The following KCNMA1 variants were observed in gnomAD, a reference collection of about 807,000 sequenced individuals.
KCNMA1 encodes the protein potassium calcium-activated channel subfamily M alpha 1.
Under a neutral mutation model 140.0 loss-of-function variants are expected in KCNMA1, and 29 were observed. The ratio of observed to expected loss-of-function variants is 0.21; its 90% CI spans 0.15 to 0.28. The LOEUF (loss-of-function observed/expected upper bound fraction) is 0.28. Among genes scored for constraint, KCNMA1 ranks in the 10% least tolerant of loss-of-function variants. KCNMA1 has a pLI of 1.00. For synonymous variants in KCNMA1, 612 were observed against 611.9 expected, an observed-to-expected ratio of 1.00 and a Z score of 0.00; for missense variants, 880 against 1,602.2, an observed-to-expected ratio of 0.55 and a Z score of 7.70.
At chr10:77,435,019 T>C (rs1460400728) in intron 1 of KCNMA1, among the ~76,000 whole-genome samples, 3 of 152,110 alleles carry the variant, frequency 2.0e-5, no homozygotes, top group African/African-American at 4.8e-5. Flanking sequence ...AGTGGTGTGA[T>C]CATAACTCAC....
intron 5 of KCNMA1, among the ~76,000 whole-genome samples, chr10:77,163,318 C>T (rs2098592246): frequency 6.6e-6 from 1 of 152,204 alleles, no homozygotes; most frequent in Non-Finnish European, 1.5e-5. Context: ...TACCTATTGC[C>T]TATGGCTGCT....
chr10:77,625,385 A>T (rs1357678952), intron 1 of KCNMA1, among the ~76,000 whole-genome samples: 1 of 152,190 alleles, frequency 6.6e-6, no homozygotes, highest in Non-Finnish European at 1.5e-5. Flanking sequence ...TGCCAAAAAA[A>T]AAAGTACCAT....
chr10:76,902,821 A>G (rs1397606864), intron 25 of KCNMA1: 1 of 152,218 alleles, frequency 6.6e-6, no homozygotes, highest in Non-Finnish European at 1.5e-5. Context: ...CAAAACAAAA[A>G]TTTATAGATT....
intron 8 of KCNMA1, 89 bp downstream of exon 8, chr10:77,110,084 C>T: frequency 1.7e-6 from 2 of 1,143,570 alleles, no homozygotes; most frequent in African/African-American, 1.5e-5. Flanking sequence ...GTGCAGAATA[C>T]AGTCTAAAAT....
chr10:77,274,235 C>A (rs1317147656), intron 2 of KCNMA1, among the ~76,000 whole-genome samples: 3 of 152,118 alleles, frequency 2.0e-5, no homozygotes, highest in Non-Finnish European at 4.4e-5. Flanking sequence ...TATTTATAGG[C>A]TTAACCCACA....
At chr10:77,331,205 C>G (rs889429202) in intron 2 of KCNMA1, among the ~76,000 whole-genome samples, 1 of 152,170 alleles carries the variant, frequency 6.6e-6, no homozygotes, top group African/African-American at 2.4e-5. Flanking sequence ...CTGACCCACC[C>G]CAGCTGGCAT....
chr10:77,188,288 A>T (rs1257083258), intron 3 of KCNMA1, among the ~76,000 whole-genome samples: 12 of 152,320 alleles, frequency 7.9e-5, no homozygotes, highest in Non-Finnish European at 1.5e-5. Flanking sequence ...CAGGAAAAAA[A>T]AAAAAGTGGA....
intron 20 of KCNMA1, among the ~76,000 whole-genome samples, chr10:76,958,385 A>C (rs1214311650): frequency 6.6e-6 from 1 of 152,238 alleles, no homozygotes; most frequent in Non-Finnish European, 1.5e-5. Flanking sequence ...TTCAAGGCTC[A>C]CTTGTCACTT....
At chr10:77,162,507 G>A (rs529421894) in intron 5 of KCNMA1, among the ~76,000 whole-genome samples, 1 of 152,088 alleles carries the variant, frequency 6.6e-6, no homozygotes, top group African/African-American at 2.4e-5. Flanking sequence ...AAAAGATGGG[G>A]GTTTTTGTTG....
intron 2 of KCNMA1, among the ~76,000 whole-genome samples, chr10:77,289,542 C>T (rs1448893982): frequency 1.3e-5 from 2 of 152,188 alleles, no homozygotes; most frequent in African/African-American, 4.8e-5. Context: ...CCACTCAAAC[C>T]CTGCCAAGCT....
At chr10:77,495,199 T>C (rs950151783) in intron 1 of KCNMA1, among the ~76,000 whole-genome samples, 2 of 152,216 alleles carry the variant, frequency 1.3e-5, no homozygotes, top group African/African-American at 4.8e-5. Flanking sequence ...ACATTACTAA[T>C]ATACTGGAAC....
chr10:77,360,582 C>T (rs1377053385), intron 2 of KCNMA1, among the ~76,000 whole-genome samples: 4 of 152,188 alleles, frequency 2.6e-5, no homozygotes, highest in African/African-American at 9.7e-5. Context: ...CAGAAATACT[C>T]CCCGGAGCAC....
At chr10:77,160,616 G>A (rs1259022638) in intron 5 of KCNMA1, among the ~76,000 whole-genome samples, 1 of 152,218 alleles carries the variant, frequency 6.6e-6, no homozygotes, top group Non-Finnish European at 1.5e-5. Context: ...TTTACTACTT[G>A]TGTGACACTG....
At chr10:77,287,212 C>T (rs187144378) in intron 2 of KCNMA1, among the ~76,000 whole-genome samples, 20 of 152,356 alleles carry the variant, frequency 1.3e-4, no homozygotes, top group Non-Finnish European at 2.4e-4. Context: ...AGGGAGTCCT[C>T]TCCGTGCACT....
At position 77,556,700 on chromosome 10, in the gene KCNMA1, C is replaced by T. The variant is rs554716035; in HGVS notation, c.378+80565G>A. ...ACCCAGAACTGAGGATCAAGATGAG[C>T]GTGGATCCCTGGGTCATGAGCATCC... On this transcript the variant is annotated intron_variant, in intron 1 of 27. Coordinates refer to ENST00000286628, the MANE Select transcript of KCNMA1 (RefSeq NM_001161352.2). Among the ~76,000 whole-genome samples, 43 of 152,086 alleles carry T rather than the reference C, an allele frequency of 2.8e-4. No homozygotes were observed. The South Asian group carries it at 6.4e-3, about 23-fold the overall frequency.
At chr10:77,158,303 C>T (rs1315897229) in intron 5 of KCNMA1, among the ~76,000 whole-genome samples, 2 of 152,140 alleles carry the variant, frequency 1.3e-5, no homozygotes, top group African/African-American at 2.4e-5. Context: ...ACCCTTTGAT[C>T]CTCACAGTAA....
At chr10:77,589,997 C>A (rs551719257) in intron 1 of KCNMA1, among the ~76,000 whole-genome samples, 36 of 152,290 alleles carry the variant, frequency 2.4e-4, no homozygotes, top group Non-Finnish European at 4.9e-4. Flanking sequence ...CGTTCACAAT[C>A]CCTGAGCTAG....
intron 1 of KCNMA1, among the ~76,000 whole-genome samples, chr10:77,496,888 G>T (rs1452831505): frequency 6.6e-6 from 1 of 152,118 alleles, no homozygotes; most frequent in African/African-American, 2.4e-5. Flanking sequence ...GCTCTCCAAA[G>T]CTCTGCTCAT....
At chr10:77,206,664 C>T (rs528479795) in intron 3 of KCNMA1, among the ~76,000 whole-genome samples, 1 of 152,214 alleles carries the variant, frequency 6.6e-6, no homozygotes, top group South Asian at 2.1e-4. Context: ...GAATGCAAGG[C>T]CCATAAAAGC....
Sources: allele counts gnomAD v4.1 joint callset (sites outside exome capture counted in the v4.1 genomes callset), GRCh38; gene constraint gnomAD v4.1.1; transcripts MANE v1.5; gene names NCBI Gene and HGNC (gene_info 2026-07-23, HGNC 2026-07-21).